Variants in APBB2 observed in about 807,000 individuals in gnomAD.
The protein encoded by APBB2 is Fe65-like 1.
A neutral mutation model predicts 82.5 loss-of-function variants in APBB2; 38 were observed. That is an observed-to-expected ratio of 0.46 (90% confidence interval 0.36 to 0.60). The LOEUF (loss-of-function observed/expected upper bound fraction) is 0.60. Among genes scored for constraint, APBB2 ranks in the 20% least tolerant of loss-of-function variants. The probability of loss-of-function intolerance (pLI) is 0.00; values close to 1 mark genes in which losing one functional copy is unlikely to be tolerated. For missense variants in APBB2, 772 were observed against 972.3 expected (o/e 0.79, Z 2.74); for synonymous variants, 341 against 368.2 (o/e 0.93, Z 0.85).
intron 1 of APBB2, among the ~76,000 whole-genome samples, chr4:41,196,158 C>CA: frequency 0.15 from 20,877 of 143,674 alleles, 1,765 homozygotes; most frequent in African/African-American, 0.24. Context: ...GACTCCGTCT[C>CA]AAAAAAAAAA....
At chr4:40,899,503 G>A (rs1578278566) in intron 10 of APBB2, among the ~76,000 whole-genome samples, 1 of 152,282 alleles carries the variant, frequency 6.6e-6, no homozygotes, top group African/African-American at 2.4e-5. Flanking sequence ...CAAAGCCTGG[G>A]TATCTATGAC....
intron 1 of APBB2, among the ~76,000 whole-genome samples, chr4:41,154,837 T>C (rs1300575571): frequency 1.3e-5 from 2 of 152,224 alleles, no homozygotes; most frequent in African/African-American, 4.8e-5. Flanking sequence ...TATGTGCTCA[T>C]GTATCAACAT....
chr4:41,173,615 C>T (rs182523055), intron 1 of APBB2, among the ~76,000 whole-genome samples: 2 of 152,290 alleles, frequency 1.3e-5, no homozygotes, highest in East Asian at 3.9e-4. Flanking sequence ...GATTACAATA[C>T]CATACTTCTA....
At chr4:40,859,719 G>T (rs542912012) in intron 12 of APBB2, among the ~76,000 whole-genome samples, 1 of 152,296 alleles carries the variant, frequency 6.6e-6, no homozygotes, top group South Asian at 2.1e-4. Flanking sequence ...CGCTTTCAGG[G>T]TCTCACAGGC....
intron 17 of APBB2, among the ~76,000 whole-genome samples, chr4:40,820,489 C>A (rs1445016126): frequency 2.0e-5 from 3 of 152,072 alleles, no homozygotes; most frequent in South Asian, 2.1e-4. Flanking sequence ...CATGATGAAG[C>A]CCCATCTCTA....
At chr4:41,022,055 A>G (rs1427999586) in intron 5 of APBB2, among the ~76,000 whole-genome samples, 1 of 152,152 alleles carries the variant, frequency 6.6e-6, no homozygotes, top group Non-Finnish European at 1.5e-5. Context: ...GAGCTGTGAG[A>G]CTCACGGCAA....
At chr4:41,012,116 A>G (rs993686716) in intron 6 of APBB2, among the ~76,000 whole-genome samples, 2 of 152,130 alleles carry the variant, frequency 1.3e-5, no homozygotes, top group African/African-American at 2.4e-5. Context: ...CAGCCTCCCA[A>G]AGTGCTGGGA....
chr4:41,063,564 T>TA (rs1260458693), intron 4 of APBB2, among the ~76,000 whole-genome samples: 1 of 152,224 alleles, frequency 6.6e-6, no homozygotes, highest in Non-Finnish European at 1.5e-5. Context: ...TCCGAATCCC[T>TA]ATTCTATTAT....
rs1419633783 is a variant in APBB2 at position 40,814,699 on chromosome 4, C to T, written c.*1393G>A. Reference sequence around the variant, plus strand: ...AAACAAGACTAATATTGAGATTGATCGCCTTAGCAACTTCCTTTTAAAACG... The same window carrying T: ...AAACAAGACTAATATTGAGATTGATTGCCTTAGCAACTTCCTTTTAAAACG... On this transcript the variant is annotated 3_prime_UTR_variant, in exon 18 of 18. Transcript: ENST00000508593. 2 of 152,106 alleles carry T rather than the reference C, an allele frequency of 1.3e-5. No individual in the cohort carries two copies. The highest frequency in any genetic ancestry group is 2.9e-5 in the Non-Finnish European group (2 of 68,016). 9.4% of individuals were successfully genotyped at this position (152,106 alleles called of 1,614,324 possible).
At chr4:41,143,740 T>G (rs36020506) in intron 1 of APBB2, among the ~76,000 whole-genome samples, 17 of 152,196 alleles carry the variant, frequency 1.1e-4, no homozygotes, top group Non-Finnish European at 2.2e-4. Context: ...TAATAGAAAA[T>G]TTTATAGGCT....
chr4:40,845,977 AGGTGGGTGTGGGTG>A, intron 12 of APBB2, among the ~76,000 whole-genome samples: 1 of 10,594 alleles, frequency 9.4e-5, no homozygotes, highest in Non-Finnish European at 1.8e-4. Context: ...AGGGGTGGGT[AGGTGGGTGTGGGTG>A]GGTGGGTGGG....
intron 10 of APBB2, among the ~76,000 whole-genome samples, chr4:40,905,915 G>A (rs1019216090): frequency 3.9e-5 from 6 of 152,150 alleles, no homozygotes; most frequent in African/African-American, 9.6e-5. Context: ...TGTGTGGCTC[G>A]AGTGGGGAAG....
intron 6 of APBB2, among the ~76,000 whole-genome samples, chr4:40,999,959 C>T (rs897624077): frequency 6.6e-6 from 1 of 151,206 alleles, no homozygotes; most frequent in Non-Finnish European, 1.5e-5. Flanking sequence ...TTTGAGAGGC[C>T]GTTGAGCCCA....
Position 40,978,915 on chromosome 4 carries a change from T to C in APBB2, c.836-33842A>G, listed in dbSNP as rs1180916893. Among the ~76,000 whole-genome samples, 3 of 139,554 alleles carry C rather than the reference T, an allele frequency of 2.1e-5. No homozygotes were observed. In the East Asian group the frequency reaches 7.1e-4, roughly 33 times the overall value. The allele number at this position is 139,554 out of a possible 152,430, so 91.6% of individuals were successfully genotyped here. ...TGAACTGCAGATTAATAAGAGTACT[T>C]GGAACTCATGATTTTTTTTTTAAAA... On this transcript the variant is annotated intron_variant, in intron 6 of 17. Transcript: ENST00000508593.
chr4:41,157,889 G>A (rs979961509), intron 1 of APBB2, among the ~76,000 whole-genome samples: 1 of 152,106 alleles, frequency 6.6e-6, no homozygotes, highest in Non-Finnish European at 1.5e-5. Context: ...CTACTCAGGA[G>A]GCTAAGGCAG....
chr4:41,099,315 G>A (rs894052473), intron 3 of APBB2, among the ~76,000 whole-genome samples: 5 of 152,088 alleles, frequency 3.3e-5, no homozygotes, highest in South Asian at 4.1e-4. Context: ...TGCAACCTCC[G>A]CCTCCCAGGT....
intron 1 of APBB2, among the ~76,000 whole-genome samples, chr4:41,167,049 T>C (rs1766862997): frequency 6.6e-6 from 1 of 152,150 alleles, no homozygotes; most frequent in Admixed American, 6.5e-5. Flanking sequence ...AATAATTCAC[T>C]AGGTTGGCTC....
At chr4:41,038,213 GATAAATAA>G (rs5857768) in intron 4 of APBB2, among the ~76,000 whole-genome samples, 16,481 of 150,044 alleles carry the variant, frequency 0.11, 1,378 homozygotes, top group African/African-American at 0.23. Context: ...TAAGCAAACA[GATAAATAA>G]ATAAATAAAT....
At chr4:41,087,642 T>G (rs1740247959) in intron 3 of APBB2, among the ~76,000 whole-genome samples, 1 of 151,910 alleles carries the variant, frequency 6.6e-6, no homozygotes, top group Admixed American at 6.6e-5. Context: ...GACGGCCAGT[T>G]GGTCTTAAAC....
Sources: allele counts gnomAD v4.1 joint callset (sites outside exome capture counted in the v4.1 genomes callset), GRCh38; gene constraint gnomAD v4.1.1; transcripts MANE v1.5; gene names NCBI Gene and HGNC (gene_info 2026-07-23, HGNC 2026-07-21).